Variants in PODXL observed in about 807,000 individuals in gnomAD.
The protein encoded by PODXL is podocalyxin.
Under a neutral mutation model 48.9 loss-of-function variants are expected in PODXL, and 20 were observed. That is an observed-to-expected ratio of 0.41 (90% CI 0.29 to 0.59). PODXL has a LOEUF of 0.59. Among genes scored for constraint, PODXL ranks in the 20% least tolerant of loss-of-function variants. The pLI, the probability that PODXL is intolerant of heterozygous loss-of-function variation, is 0.31. For synonymous variants in PODXL, 295 were observed against 287.4 expected, an observed-to-expected ratio of 1.03 and a Z score of -0.27; for missense variants, 606 against 675.1, an observed-to-expected ratio of 0.90 and a Z score of 1.13.
At chr7:131,508,882 C>T (rs1797856823) in intron 5 of PODXL, 69 bp downstream of exon 5, 6 of 1,078,136 alleles carry the variant, frequency 5.6e-6, no homozygotes, top group South Asian at 1.2e-5. Flanking sequence ...AAAGAACATA[C>T]ATTCCCTCTC....
chr7:131,531,686 C>G (rs1166031019), intron 1 of PODXL, among the ~76,000 whole-genome samples: 1 of 152,218 alleles, frequency 6.6e-6, no homozygotes, highest in Non-Finnish European at 1.5e-5. Context: ...GTCACATGGC[C>G]ACCTTCTCTA....
rs73722843 is a variant in PODXL at position 131,515,300 on chromosome 7, G to C, written c.101-3867C>G. Among the ~76,000 whole-genome samples, 969 of 152,262 alleles carry C rather than the reference G, an allele frequency of 6.4e-3. 10 individuals are homozygous for C. The highest frequency in any genetic ancestry group is 0.022 in the African/African-American group (912 of 41,542). ...TTTGTTTGCAGCTGAAGGGCTGAGA[G>C]GGCCCTTTAAAAGACTTTAAAAGCT... On this transcript the variant is annotated intron_variant, in intron 1 of 8. Coordinates refer to ENST00000378555, the MANE Select transcript of PODXL (RefSeq NM_001018111.3).
At chr7:131,537,206 C>G (rs921162021) in intron 1 of PODXL, among the ~76,000 whole-genome samples, 5 of 150,590 alleles carry the variant, frequency 3.3e-5, no homozygotes, top group African/African-American at 1.2e-4. Context: ...CAGCTACTTG[C>G]AGGGCTGAGG....
At chr7:131,520,141 G>T in intron 1 of PODXL, 1 of 228,570 alleles carries the variant, frequency 4.4e-6, no homozygotes. Context: ...CGGTAAAATG[G>T]CTCCTGCGAA....
chr7:131,517,836 TCAAG>T (rs1194263514), intron 1 of PODXL, among the ~76,000 whole-genome samples: 1 of 152,102 alleles, frequency 6.6e-6, no homozygotes, highest in Non-Finnish European at 1.5e-5. Flanking sequence ...CTTTGTGGGT[TCAAG>T]CAATTCTCCT....
At chr7:131,528,847 G>C (rs1798228281) in intron 1 of PODXL, among the ~76,000 whole-genome samples, 1 of 152,168 alleles carries the variant, frequency 6.6e-6, no homozygotes, top group Non-Finnish European at 1.5e-5. Context: ...TTGACCTAGA[G>C]GATGGAGAAA....
In PODXL at chr7:131,504,016, T is replaced by C. The variant is rs1797756290; in HGVS notation, c.*295A>G. ...AGGTCTCGGCAATCTCACTGCAGAA[T>C]GAAGGGATTCCACTAGTTCATCTAT... is the stretch of plus-strand genomic sequence containing the variant. On this transcript the variant is annotated 3_prime_UTR_variant, in exon 9 of 9. Transcript: ENST00000378555. 2.3e-6 allele frequency: 1 copy of C among 441,132 alleles called. No individual in the cohort carries two copies. Among genetic ancestry groups the C allele is most frequent in the African/African-American group, 2.0e-5 (1 of 50,306 alleles). 27.3% of individuals were successfully genotyped at this position (441,132 alleles called of 1,614,324 possible).
chr7:131,555,299 T>C (rs775949309), intron 1 of PODXL, among the ~76,000 whole-genome samples: 4 of 152,146 alleles, frequency 2.6e-5, no homozygotes, highest in Non-Finnish European at 5.9e-5. Flanking sequence ...GAATGAGAAA[T>C]GCACCTCTCC....
intron 8 of PODXL, among the ~76,000 whole-genome samples, chr7:131,504,947 C>A (rs571857026): frequency 6.6e-6 from 1 of 152,192 alleles, no homozygotes; most frequent in East Asian, 1.9e-4. Context: ...ATCATCCCTG[C>A]GGCAGACAGC....
chr7:131,525,678 T>C (rs780257718), intron 1 of PODXL, among the ~76,000 whole-genome samples: 13 of 152,004 alleles, frequency 8.6e-5, no homozygotes, highest in Non-Finnish European at 1.2e-4. Flanking sequence ...TGGGAAAGTT[T>C]TTTTTTAAAC....
rs763446483 is a variant in PODXL, at chr7:131,506,687, A to G, written c.1141T>C (p.Cys381Arg). Residue 381 changes from cysteine to arginine, a missense_variant, in exon 6 of 9, where the codon TGC becomes CGC. Physicochemically the swap from Cys to Arg is radical, Grantham distance 180. Coordinates refer to ENST00000378555, the MANE Select transcript of PODXL (RefSeq NM_001018111.3). ...TTGAAGGTGGCTTTGACTGCTCGGC[A>G]TATCAGTGAGATCAATTTCTCATCC... is the stretch of plus-strand genomic sequence containing the variant. ...ASDEKLISLICRAVKATFNPA... is the reference protein window; with the variant it reads ...ASDEKLISLIRRAVKATFNPA... 1 of 1,614,080 alleles carries G rather than the reference A, an allele frequency of 6.2e-7. No homozygotes were observed. Among genetic ancestry groups the G allele is most frequent in the Non-Finnish European group, 8.5e-7 (1 of 1,180,030 alleles).
Position 131,544,641 on chromosome 7 carries a change from ACGCACGCC to A in PODXL, c.100+11611_100+11618del, listed in dbSNP as rs1798537908. On this transcript the variant is annotated intron_variant, in intron 1 of 8. Coordinates refer to ENST00000378555, the MANE Select transcript of PODXL (RefSeq NM_001018111.3). ...GGGGAGGGAGCAGCAGGGCCTCCGC[ACGCACGCC>A]CTGTACTACGCACGCACGCCCTGTA... Among the ~76,000 whole-genome samples, 39 of 16,970 alleles carry A rather than the reference ACGCACGCC, an allele frequency of 2.3e-3. 2 individuals carry two copies. The South Asian group carries it at 0.083, about 36-fold the overall frequency. 11.1% of individuals were successfully genotyped at this position (16,970 alleles called of 152,430 possible).
At chr7:131,532,460 AAAT>A (rs202171448) in intron 1 of PODXL, among the ~76,000 whole-genome samples, 1 of 149,752 alleles carries the variant, frequency 6.7e-6, no homozygotes, top group African/African-American at 2.4e-5. Flanking sequence ...AATTAAAAAT[AAAT>A]AATAATAATA....
At chr7:131,534,710 GACTC>G (rs1050749741) in intron 1 of PODXL, among the ~76,000 whole-genome samples, 2 of 152,218 alleles carry the variant, frequency 1.3e-5, no homozygotes, top group African/African-American at 4.8e-5. Context: ...TGGTAAGTGA[GACTC>G]TGGAGGAAGA....
At chr7:131,535,106 G>A (rs375684683) in intron 1 of PODXL, among the ~76,000 whole-genome samples, 1 of 152,064 alleles carries the variant, frequency 6.6e-6, no homozygotes, top group Non-Finnish European at 1.5e-5. Context: ...GGAGGGCCAG[G>A]GTATCTCCTT....
intron 1 of PODXL, among the ~76,000 whole-genome samples, chr7:131,534,758 T>C (rs1389860144): frequency 6.6e-6 from 1 of 152,150 alleles, no homozygotes. Context: ...AAAGATATTT[T>C]AATACACATG....
intron 1 of PODXL, among the ~76,000 whole-genome samples, chr7:131,551,888 G>A (rs1331813267): frequency 1.4e-5 from 2 of 147,626 alleles, no homozygotes; most frequent in African/African-American, 5.1e-5. Flanking sequence ...AGTGAGCTGA[G>A]ATCACGCCAC....
chr7:131,501,181 G>A lies in PODXL; in HGVS notation c.*3130C>T, dbSNP rs879346610. The A allele has an allele frequency of 4.0e-5, 6 of 151,056 alleles. No individual in the cohort carries two copies. The highest frequency in any genetic ancestry group is 2.0e-4 in the Admixed American group (3 of 15,164). 9.4% of individuals were successfully genotyped at this position (151,056 alleles called of 1,614,324 possible). On this transcript the variant is annotated 3_prime_UTR_variant, in exon 9 of 9. Coordinates refer to ENST00000378555, the MANE Select transcript of PODXL (RefSeq NM_001018111.3). ...TTTGTCTTGTTATATTTCATTTTTT[G>A]TTTAAAAAAAAAAATCAAGCAAAAA... is the stretch of plus-strand genomic sequence containing the variant.
intron 1 of PODXL, among the ~76,000 whole-genome samples, chr7:131,552,878 C>A (rs1024778354): frequency 4.6e-5 from 7 of 152,168 alleles, no homozygotes; most frequent in Non-Finnish European, 7.3e-5. Flanking sequence ...CCTCTGTCTC[C>A]CACGTTCAAG....
Sources: allele counts gnomAD v4.1 joint callset (sites outside exome capture counted in the v4.1 genomes callset), GRCh38; gene constraint gnomAD v4.1.1; transcripts MANE v1.5; gene names NCBI Gene and HGNC (gene_info 2026-07-23, HGNC 2026-07-21).